Variants in SHISA9 observed in about 807,000 individuals in gnomAD.
SHISA9 encodes the protein shisa family member 9, also known as protein shisa-9.
A neutral mutation model predicts 38.0 loss-of-function variants in SHISA9; 13 were observed. The observed-to-expected ratio is 0.34, with a 90% CI of 0.22 to 0.54. SHISA9 has a LOEUF of 0.54. Ranked by LOEUF, SHISA9 falls within the 20% of genes least tolerant of loss-of-function variation. The pLI, the probability that SHISA9 is intolerant of heterozygous loss-of-function variation, is 0.91. For synonymous variants in SHISA9, 275 were observed against 242.0 expected (o/e 1.14, Z -1.27); for missense variants, 538 against 575.8 (o/e 0.93, Z 0.67).
At chr16:13,042,308 G>A (rs1384589197) in intron 2 of SHISA9, among the ~76,000 whole-genome samples, 4 of 152,138 alleles carry the variant, frequency 2.6e-5, no homozygotes, top group Admixed American at 6.6e-5. Flanking sequence ...CATGCTTGTG[G>A]CTTCTTTCTG....
At chr16:13,016,584 T>A (rs962228585) in intron 2 of SHISA9, among the ~76,000 whole-genome samples, 9 of 152,218 alleles carry the variant, frequency 5.9e-5, no homozygotes, top group Non-Finnish European at 1.3e-4. Flanking sequence ...TTGTTGTTGT[T>A]GTTTTTTGCT....
At chr16:13,205,085 GC>G (rs1245764965) in intron 3 of SHISA9, among the ~76,000 whole-genome samples, 1 of 152,144 alleles carries the variant, frequency 6.6e-6, no homozygotes, top group African/African-American at 2.4e-5. Flanking sequence ...ACATGTGGAT[GC>G]CAATTACTAG....
At chr16:12,907,610 A>G (rs1438137446) in intron 1 of SHISA9, among the ~76,000 whole-genome samples, 2 of 152,148 alleles carry the variant, frequency 1.3e-5, no homozygotes, top group Non-Finnish European at 2.9e-5. Flanking sequence ...CACTCGCACA[A>G]AAACAGGTCT....
At chr16:12,929,896 C>A (rs2071441535) in intron 2 of SHISA9, among the ~76,000 whole-genome samples, 1 of 152,164 alleles carries the variant, frequency 6.6e-6, no homozygotes, top group Non-Finnish European at 1.5e-5. Flanking sequence ...CAAGCTTCCT[C>A]CAGATCTTTG....
intron 2 of SHISA9, among the ~76,000 whole-genome samples, chr16:13,133,404 G>T (rs1046896152): frequency 2.0e-5 from 3 of 152,098 alleles, no homozygotes; most frequent in African/African-American, 7.2e-5. Flanking sequence ...GTAAGTAGTG[G>T]GCTGTTTAAA....
chr16:13,024,462 T>C (rs2072896599), intron 2 of SHISA9, among the ~76,000 whole-genome samples: 1 of 152,208 alleles, frequency 6.6e-6, no homozygotes, highest in South Asian at 2.1e-4. Flanking sequence ...ACACCCTTTT[T>C]GGCACCTGTG....
chr16:13,100,618 G>A (rs545506996), intron 2 of SHISA9, among the ~76,000 whole-genome samples: 2 of 152,272 alleles, frequency 1.3e-5, no homozygotes, highest in African/African-American at 4.8e-5. Flanking sequence ...CCTTGTTCGG[G>A]GCCTCCAGAA....
intron 2 of SHISA9, among the ~76,000 whole-genome samples, chr16:13,026,153 T>C (rs2072919311): frequency 6.6e-6 from 1 of 152,216 alleles, no homozygotes; most frequent in East Asian, 1.9e-4. Flanking sequence ...ATAGGGACAA[T>C]GCTGTGTGGC....
intron 2 of SHISA9, among the ~76,000 whole-genome samples, chr16:13,048,086 G>C (rs1448052589): frequency 6.6e-6 from 1 of 152,174 alleles, no homozygotes; most frequent in Non-Finnish European, 1.5e-5. Context: ...GGGAGACCAC[G>C]CTCCAAACCA....
chr16:12,994,221 T>C (rs1056349410), intron 2 of SHISA9, among the ~76,000 whole-genome samples: 3 of 152,202 alleles, frequency 2.0e-5, no homozygotes, highest in Non-Finnish European at 4.4e-5. Context: ...AAGGCTGTTG[T>C]AGACATCCAG....
chr16:13,287,443 A>G, the SHISA9 span, among the ~76,000 whole-genome samples: 1 of 152,322 alleles, frequency 6.6e-6, no homozygotes, highest in South Asian at 2.1e-4. Flanking sequence ...GAAAAACCAG[A>G]AGGACTAGAA....
At chr16:13,213,600 A>G (rs1467846531) in intron 4 of SHISA9, among the ~76,000 whole-genome samples, 1 of 152,198 alleles carries the variant, frequency 6.6e-6, no homozygotes, top group Non-Finnish European at 1.5e-5. Flanking sequence ...GATTTTTCTC[A>G]GAAAGCTGCA....
chr16:13,481,848 T>C, the SHISA9 span, among the ~76,000 whole-genome samples: 1 of 152,152 alleles, frequency 6.6e-6, no homozygotes, highest in Admixed American at 6.5e-5. Context: ...AATTTCAAAA[T>C]TGAAGTGGAA....
intron 1 of SHISA9, among the ~76,000 whole-genome samples, chr16:12,914,703 C>T (rs1399010469): frequency 6.6e-6 from 1 of 152,190 alleles, no homozygotes; most frequent in Non-Finnish European, 1.5e-5. Context: ...AGTTCTTACC[C>T]TATCATTCCA....
At chr16:13,122,064 C>A (rs569220268) in intron 2 of SHISA9, among the ~76,000 whole-genome samples, 1 of 152,294 alleles carries the variant, frequency 6.6e-6, no homozygotes, top group South Asian at 2.1e-4. Context: ...ATATTTTTAG[C>A]TGACAGCCCA....
intron 4 of SHISA9, among the ~76,000 whole-genome samples, chr16:13,234,803 G>A (rs1014433163): frequency 1.3e-5 from 2 of 152,160 alleles, no homozygotes; most frequent in Non-Finnish European, 2.9e-5. Flanking sequence ...TTCCCTTGGG[G>A]ATGCCTTTAA....
the SHISA9 span, among the ~76,000 whole-genome samples, chr16:13,387,598 T>C: frequency 6.6e-6 from 1 of 151,826 alleles, no homozygotes; most frequent in Non-Finnish European, 1.5e-5. Flanking sequence ...CAAACGATTC[T>C]CCTGTCTCAG....
At chr16:12,981,416 C>T (rs1025212225) in intron 2 of SHISA9, among the ~76,000 whole-genome samples, 1 of 152,248 alleles carries the variant, frequency 6.6e-6, no homozygotes, top group South Asian at 2.1e-4. Flanking sequence ...ATCCCCCATT[C>T]CAGTTTATCC....
chr16:13,242,615 T>G (rs2051443478), downstream of SHISA9, among the ~76,000 whole-genome samples: 1 of 152,214 alleles, frequency 6.6e-6, no homozygotes, highest in South Asian at 2.1e-4. Flanking sequence ...GCTGGTGGTA[T>G]TTATTGATTC....
Sources: gnomAD v4.1 joint callset for allele counts (sites outside exome capture counted in the v4.1 genomes callset) on GRCh38, gnomAD v4.1.1 for gene constraint, MANE v1.5 for transcripts, NCBI Gene and HGNC (gene_info 2026-07-23, HGNC 2026-07-21) for gene names.